Variants in ATP2B2 observed in about 807,000 individuals in gnomAD.
The protein encoded by ATP2B2 is plasma membrane calcium-transporting ATPase 2.
A neutral mutation model predicts 120.0 loss-of-function variants in ATP2B2; 15 were observed. The ratio of observed to expected loss-of-function variants is 0.12; its 90% CI spans 0.08 to 0.19. The LOEUF is 0.19. Ranked by LOEUF, ATP2B2 falls within the 10% of genes least tolerant of loss-of-function variation. ATP2B2 has a pLI of 1.00. For missense variants in ATP2B2, 1,045 were observed against 1,719.8 expected (o/e 0.61, Z 6.94); for synonymous variants, 694 against 700.3 (o/e 0.99, Z 0.14).
rs26801 is a variant in ATP2B2 at position 10,335,966 on chromosome 3, C to T, written c.3420+2210G>A. Reference sequence around the variant, plus strand: ...GTGACTGCCACCGCATGACTGGCTACGCTCTCCTGACCAACGGGACCCTCT... The same window carrying T: ...GTGACTGCCACCGCATGACTGGCTATGCTCTCCTGACCAACGGGACCCTCT... On this transcript the variant is annotated intron_variant, in intron 22 of 22. Coordinates refer to ENST00000360273, the MANE Select transcript of ATP2B2 (RefSeq NM_001001331.4). 0.29 allele frequency among the ~76,000 whole-genome samples: 44,501 copies of T among 152,044 alleles called. 6,755 individuals are homozygous for T. Among genetic ancestry groups the T allele is most frequent in the East Asian group, 0.43 (2,215 of 5,152 alleles).
chr3:10,558,498 G>C (rs1010190897), intron 2 of ATP2B2, among the ~76,000 whole-genome samples: 6 of 152,204 alleles, frequency 3.9e-5, no homozygotes, highest in African/African-American at 1.4e-4. Flanking sequence ...GAGGATGTCT[G>C]AGGGTGAAGC....
chr3:10,645,048 A>G (rs1304197396), intron 1 of ATP2B2, among the ~76,000 whole-genome samples: 2 of 152,182 alleles, frequency 1.3e-5, no homozygotes, highest in Non-Finnish European at 1.5e-5. Flanking sequence ...GTTGAATGCA[A>G]GTTATTCTCA....
In ATP2B2 at chr3:10,343,332, C is replaced by T. The variant is rs950222398; in HGVS notation, c.2704-367G>A. Among the ~76,000 whole-genome samples, 10 of 151,962 alleles carry T rather than the reference C, an allele frequency of 6.6e-5. No individual in the cohort carries two copies. The highest frequency in any genetic ancestry group is 1.2e-4 in the Non-Finnish European group (8 of 67,978). Reference sequence around the variant, plus strand: ...CCATTCCCACCGCCTCCGGCATGGGCTCCTACCTCCTCCCCCCACTGCCTC... The same window carrying T: ...CCATTCCCACCGCCTCCGGCATGGGTTCCTACCTCCTCCCCCCACTGCCTC... On this transcript the variant is annotated intron_variant, in intron 18 of 22. Coordinates refer to ENST00000360273, the MANE Select transcript of ATP2B2 (RefSeq NM_001001331.4). The surrounding 1 kb of genome is among the most constrained non-coding windows in gnomAD (Gnocchi z 4.2).
intron 2 of ATP2B2, among the ~76,000 whole-genome samples, chr3:10,553,922 C>G (rs1466948324): frequency 6.6e-6 from 1 of 151,214 alleles, no homozygotes. Context: ...GCTCCCAAAT[C>G]CCAGGGGCCC....
At chr3:10,542,850 C>T (rs950500517) in intron 2 of ATP2B2, among the ~76,000 whole-genome samples, 1 of 152,102 alleles carries the variant, frequency 6.6e-6, no homozygotes, top group African/African-American at 2.4e-5. Context: ...GCTCAGCTTC[C>T]TGAATCTGTA....
intron 1 of ATP2B2, among the ~76,000 whole-genome samples, chr3:10,666,306 T>A (rs2070932007): frequency 6.6e-6 from 1 of 152,174 alleles, no homozygotes; most frequent in Non-Finnish European, 1.5e-5. Flanking sequence ...AACTGTTTCC[T>A]TCGGGGGTAA....
Position 10,635,309 on chromosome 3 carries a change from G to T in ATP2B2, c.-459-15348C>A, listed in dbSNP as rs901620762. ...GTCACGGGATTTGCCTGAAGCCCCGGGTTTGGAGTCTCTGGTTGAGAGTTC... is the reference window on the plus strand; with the variant it reads ...GTCACGGGATTTGCCTGAAGCCCCGTGTTTGGAGTCTCTGGTTGAGAGTTC... On this transcript the variant is annotated intron_variant, in intron 1 of 21. Transcript: ENST00000646379. The surrounding 1 kb of genome is among the most constrained non-coding windows in gnomAD (Gnocchi z 4.3). 1.3e-5 allele frequency among the ~76,000 whole-genome samples: 2 copies of T among 152,112 alleles called. No homozygotes were observed. The highest frequency in any genetic ancestry group is 2.9e-5 in the Non-Finnish European group (2 of 68,028).
In ATP2B2 at chr3:10,606,895, A is replaced by ACACACACACACG. The variant is rs1559482991; in HGVS notation, c.-415+13021_-415+13022insCGTGTGTGTGTG. On this transcript the variant is annotated intron_variant, in intron 2 of 21. Coordinates refer to the ATP2B2 transcript ENST00000646379. ...ACGGAGTCTAAACACACACACACAC[A>ACACACACACACG]CACACACACACACACACAGAGAGAG... Among the ~76,000 whole-genome samples, 8 of 35,732 alleles carry ACACACACACACG rather than the reference A, an allele frequency of 2.2e-4. No individual in the cohort carries two copies. The South Asian group carries it at 3.7e-3, about 17-fold the overall frequency. 23.4% of individuals were successfully genotyped at this position (35,732 alleles called of 152,430 possible). A position where few individuals can be genotyped will look rare whatever the true frequency, so the allele number is the denominator to read the frequency against.
chr3:10,427,626 T>G (rs2125088305), intron 2 of ATP2B2, among the ~76,000 whole-genome samples: 1 of 152,314 alleles, frequency 6.6e-6, no homozygotes, highest in Admixed American at 6.5e-5. Flanking sequence ...GTATGTGGTG[T>G]CTCCTCAGGA....
intron 5 of ATP2B2, among the ~76,000 whole-genome samples, chr3:10,390,777 G>C (rs2061826055): frequency 6.6e-6 from 1 of 152,100 alleles, no homozygotes; most frequent in African/African-American, 2.4e-5. Context: ...GCACAGTGGG[G>C]ACCACAGAAT....
chr3:10,457,134 G>A (rs918055561), intron 1 of ATP2B2, among the ~76,000 whole-genome samples: 1 of 152,108 alleles, frequency 6.6e-6, no homozygotes, highest in African/African-American at 2.4e-5. Context: ...TGAGTGTAGG[G>A]TAAATGTGGG....
At chr3:10,519,344 A>G (rs1418081296) in intron 3 of ATP2B2, among the ~76,000 whole-genome samples, 1 of 152,206 alleles carries the variant, frequency 6.6e-6, no homozygotes, top group African/African-American at 2.4e-5. Flanking sequence ...GGAGTGAATA[A>G]TGAAGGTGCA....
chr3:10,702,957 T>C (rs1434187198), intron 1 of ATP2B2, among the ~76,000 whole-genome samples: 1 of 152,200 alleles, frequency 6.6e-6, no homozygotes, highest in Non-Finnish European at 1.5e-5. Context: ...TTCCTATTTC[T>C]CGGGTCACAG....
rs540273860 is a variant in ATP2B2 at position 10,357,037 on chromosome 3, CATTCATTCTT to C, written c.2136+1644_2136+1653del. ...GTGTGGAAGATTGGGGTTCCAGTCC[CATTCATTCTT>C]ATTCATTCATTCCGCAAACACTCAT... On this transcript the variant is annotated intron_variant, in intron 14 of 22. Transcript: ENST00000360273. Among the ~76,000 whole-genome samples the C allele has an allele frequency of 3.9e-5, 6 of 152,094 alleles. No homozygotes were observed. The East Asian group carries it at 1.2e-3, about 29-fold the overall frequency.
chr3:10,524,746 G>A (rs2067056288), intron 3 of ATP2B2, among the ~76,000 whole-genome samples: 1 of 152,136 alleles, frequency 6.6e-6, no homozygotes, highest in African/African-American at 2.4e-5. Context: ...AGGACATTGA[G>A]ACACAGAGAG....
chr3:10,342,132 C>T lies in ATP2B2; in HGVS notation c.2917+620G>A, dbSNP rs1431630187. Among the ~76,000 whole-genome samples, 1 of 152,228 alleles carries T rather than the reference C, an allele frequency of 6.6e-6. No homozygotes were observed. The highest frequency in any genetic ancestry group is 6.5e-5 in the Admixed American group (1 of 15,290). On this transcript the variant is annotated intron_variant, in intron 19 of 22. Coordinates refer to ENST00000360273, the MANE Select transcript of ATP2B2 (RefSeq NM_001001331.4). The surrounding 1 kb of genome is among the most constrained non-coding windows in gnomAD (Gnocchi z 4.4). ...TCTGTGGAAACCAGGCCAGTCTTGGCCCCAGCCAGACCTGGTTCTGTGCCC... is the reference window on the plus strand; with the variant it reads ...TCTGTGGAAACCAGGCCAGTCTTGGTCCCAGCCAGACCTGGTTCTGTGCCC...
At chr3:10,336,724 C>A (rs2060126977) in intron 22 of ATP2B2, among the ~76,000 whole-genome samples, 1 of 152,176 alleles carries the variant, frequency 6.6e-6, no homozygotes, top group South Asian at 2.1e-4. Flanking sequence ...AGCTAGCTGA[C>A]CTTGGGCAAG....
At chr3:10,336,120 C>A (rs1296070524) in intron 22 of ATP2B2, 3 of 1,549,980 alleles carry the variant, frequency 1.9e-6, no homozygotes, top group Non-Finnish European at 2.6e-6. Context: ...AGTAAGGAGT[C>A]ACACTCACGC....
At chr3:10,522,533 G>GT (rs1559437905) in intron 3 of ATP2B2, among the ~76,000 whole-genome samples, 1 of 152,216 alleles carries the variant, frequency 6.6e-6, no homozygotes, top group African/African-American at 2.4e-5. Context: ...TGTTGGACTT[G>GT]TTAGCTGGAG....
Sources: allele counts gnomAD v4.1 joint callset (sites outside exome capture counted in the v4.1 genomes callset), GRCh38; gene constraint gnomAD v4.1.1; non-coding constraint Gnocchi (gnomAD v3.1); transcripts MANE v1.5; gene names NCBI Gene and HGNC (gene_info 2026-07-23, HGNC 2026-07-21).